ALPK1: variants seen among roughly 807,000 people sequenced by gnomAD.
ALPK1 encodes alpha kinase 1.
Under a neutral mutation model 120.6 loss-of-function variants are expected in ALPK1, and 110 were observed. That is an observed-to-expected ratio of 0.91 (90% CI 0.78 to 1.07). The LOEUF is 1.07. ALPK1 is among the 50% of genes least tolerant of loss of function. The pLI, the probability that ALPK1 is intolerant of heterozygous loss-of-function variation, is 0.00. For synonymous variants in ALPK1, 582 were observed against 560.3 expected (o/e 1.04, Z -0.55); for missense variants, 1,498 against 1,483.9 (o/e 1.01, Z -0.16).
At chr4:112,335,736 T>G (rs1440070398) in intron 2 of ALPK1, among the ~76,000 whole-genome samples, 2 of 152,232 alleles carry the variant, frequency 1.3e-5, no homozygotes, top group African/African-American at 4.8e-5. Flanking sequence ...AAGGGAAAGC[T>G]TGACCTAGTT....
rs756387088 is a variant in ALPK1, at chr4:112,430,476, A to G, written c.929A>G (p.Tyr310Cys). The G allele has an allele frequency of 2.0e-5, 33 of 1,611,490 alleles. No homozygotes were observed. In the South Asian group the frequency reaches 3.6e-4, roughly 18 times the overall value. The change falls in exon 11 of 16, where the codon TAC becomes TGC. Residue 310 changes from tyrosine (Y) to cysteine (C), a missense_variant. Physicochemically the swap from Tyr to Cys is radical, Grantham distance 194. Coordinates refer to ENST00000650871, the MANE Select transcript of ALPK1 (RefSeq NM_025144.4). ...ATCCGTGGCACGTGTTTATTGTCCT[A>G]CAGTAGTTCAAATGACTGTCCTCCA... is the stretch of plus-strand genomic sequence containing the variant. ...VNIRGTCLLS[Y>C]SSSNDCPPEL...
At chr4:112,355,838 G>C (rs1578493620) in intron 2 of ALPK1, among the ~76,000 whole-genome samples, 1 of 152,374 alleles carries the variant, frequency 6.6e-6, no homozygotes, top group African/African-American at 2.4e-5. Context: ...AACCGCAACT[G>C]CGCGCCTCAG....
chr4:112,393,640 TC>T (rs1732522458), intron 4 of ALPK1, among the ~76,000 whole-genome samples: 1 of 152,180 alleles, frequency 6.6e-6, no homozygotes, highest in Admixed American at 6.5e-5. Flanking sequence ...TGTCCTTAAA[TC>T]TAGACAAGGT....
intron 6 of ALPK1, 27 bp from the exon 7 acceptor site, chr4:112,425,638 C>A (rs780445460): frequency 6.3e-7 from 1 of 1,591,950 alleles, no homozygotes; most frequent in South Asian, 1.1e-5. Context: ...TCTGATAATT[C>A]AAGGGAATTT....
chr4:112,358,433 C>A, intron 2 of ALPK1: 1 of 649,618 alleles, frequency 1.5e-6, no homozygotes, highest in Non-Finnish European at 2.8e-6. Context: ...GTCAACTGGC[C>A]CCCTCCTCTC....
chr4:112,310,379 A>G (rs1728341070), intron 1 of ALPK1, among the ~76,000 whole-genome samples: 1 of 152,132 alleles, frequency 6.6e-6, no homozygotes, highest in Admixed American at 6.5e-5. Flanking sequence ...GTGTTGCATA[A>G]CAAAACAACA....
chr4:112,308,964 ACAGT>A (rs1267604408), intron 1 of ALPK1, among the ~76,000 whole-genome samples: 1 of 152,056 alleles, frequency 6.6e-6, no homozygotes, highest in Admixed American at 6.5e-5. Context: ...TTTCCTTCTA[ACAGT>A]CAGGACCCTC....
At chr4:112,312,363 T>G (rs1427666637) in intron 1 of ALPK1, among the ~76,000 whole-genome samples, 1 of 152,034 alleles carries the variant, frequency 6.6e-6, no homozygotes, top group Non-Finnish European at 1.5e-5. Context: ...AAGCTCCGCC[T>G]CCCGGGTCAC....
Position 112,432,340 on chromosome 4 carries a change from G to T in ALPK1, c.2793G>T (p.Trp931Cys), listed in dbSNP as rs1734603780. 3 of 1,614,198 alleles carry T rather than the reference G, an allele frequency of 1.9e-6. No individual in the cohort carries two copies. Among genetic ancestry groups the T allele is most frequent in the Non-Finnish European group, 2.5e-6 (3 of 1,180,040 alleles). Residue 931 changes from tryptophan (W) to cysteine (C), a missense_variant, in exon 11 of 16, where the codon TGG (tryptophan) becomes TGT (cysteine). Coordinates refer to ENST00000650871, the MANE Select transcript of ALPK1 (RefSeq NM_025144.4). ...SQNSSSSSVW[W>C]LKSPAFSSGS... ...ACTCCAGCTCATCCTCAGTGTGGTG[G>T]CTGAAATCACCTGCATTTTCCAGTG...
intron 2 of ALPK1, among the ~76,000 whole-genome samples, chr4:112,320,734 C>T (rs1264333778): frequency 6.6e-6 from 1 of 151,914 alleles, no homozygotes; most frequent in Admixed American, 6.6e-5. Flanking sequence ...TTGGTCTGTT[C>T]AGAGTTTCTA....
At chr4:112,345,563 A>G (rs1468588382) in intron 2 of ALPK1, among the ~76,000 whole-genome samples, 1 of 152,204 alleles carries the variant, frequency 6.6e-6, no homozygotes, top group African/African-American at 2.4e-5. Context: ...GGAGATTTCA[A>G]ATAATTTCAG....
rs1730769632 is a variant in ALPK1, at chr4:112,358,764, A to G, written c.-100-18914A>G. 16 of 810,892 alleles carry G rather than the reference A, an allele frequency of 2.0e-5. No homozygotes were observed. The South Asian group carries it at 2.1e-4, about 11-fold the overall frequency. 50.2% of individuals were successfully genotyped at this position (810,892 alleles called of 1,614,324 possible). ...GGAGGAGCCCGTGGCTGGTGCACAG[A>G]TGAACACGGCCAAGCTCTTCATGGT... On this transcript the variant is annotated intron_variant, in intron 2 of 15. Transcript: ENST00000650871.
At chr4:112,355,500 C>G (rs1164590402) in intron 2 of ALPK1, among the ~76,000 whole-genome samples, 1 of 152,178 alleles carries the variant, frequency 6.6e-6, no homozygotes, top group Admixed American at 6.5e-5. Flanking sequence ...GCGGTCGGCT[C>G]ACACTCGGGC....
At chr4:112,299,396 A>G (rs1727689679) in intron 1 of ALPK1, among the ~76,000 whole-genome samples, 1 of 152,184 alleles carries the variant, frequency 6.6e-6, no homozygotes, top group Non-Finnish European at 1.5e-5. Context: ...TGCTAGCTTA[A>G]TATAAATTAA....
intron 2 of ALPK1, among the ~76,000 whole-genome samples, chr4:112,344,395 A>T (rs1411051879): frequency 1.3e-5 from 2 of 152,184 alleles, no homozygotes; most frequent in East Asian, 3.8e-4. Flanking sequence ...TAGACTTCTG[A>T]CTTTTTGTCT....
intron 12 of ALPK1, among the ~76,000 whole-genome samples, chr4:112,437,703 T>C (rs1185889772): frequency 6.6e-6 from 1 of 152,166 alleles, no homozygotes; most frequent in East Asian, 1.9e-4. Flanking sequence ...GGAGTCTGAA[T>C]GGCCAAAACC....
intron 11 of ALPK1, 47 bp from the exon 12 acceptor site, chr4:112,435,101 A>C (rs997776585): frequency 7.6e-6 from 12 of 1,573,472 alleles, no homozygotes; most frequent in East Asian, 6.7e-5. Context: ...CATGAATTGT[A>C]ACGTCCTTTT....
intron 12 of ALPK1, among the ~76,000 whole-genome samples, chr4:112,436,405 T>C (rs561491169): frequency 6.6e-6 from 1 of 152,344 alleles, no homozygotes; most frequent in Admixed American, 6.5e-5. Flanking sequence ...GCTTCACTTG[T>C]GTCTCCCAAA....
At position 112,424,008 on chromosome 4, in the gene ALPK1, G is replaced by A. The variant is rs1446109510; in HGVS notation, c.535+5G>A. ...TAAGCAACAATGGAGCAACGGGTGA[G>A]TACTTTCATATCTTCACAATGACTT... On this transcript the variant is annotated splice_donor_5th_base_variant and intron_variant, in intron 6 of 15. Coordinates refer to ENST00000650871, the MANE Select transcript of ALPK1 (RefSeq NM_025144.4). The A allele has an allele frequency of 6.2e-7, 1 of 1,613,290 alleles. No individual in the cohort carries two copies. Among genetic ancestry groups the A allele is most frequent in the Non-Finnish European group, 8.5e-7 (1 of 1,179,780 alleles).
Sources: allele counts gnomAD v4.1 joint callset (sites outside exome capture counted in the v4.1 genomes callset), GRCh38; gene constraint gnomAD v4.1.1; transcripts MANE v1.5; gene names NCBI Gene and HGNC (gene_info 2026-07-23, HGNC 2026-07-21).